CELF2: variants seen among roughly 807,000 people sequenced by gnomAD.
CELF2 encodes the protein CUG triplet repeat RNA-binding protein 2.
In CELF2, 8 loss-of-function variants were observed where a neutral mutation model predicts 62.6. The observed-to-expected ratio is 0.13, with a 90% CI of 0.07 to 0.23. CELF2 has a LOEUF of 0.23. Among genes scored for constraint, CELF2 ranks in the 10% least tolerant of loss-of-function variants. The probability of loss-of-function intolerance (pLI) is 1.00; values close to 1 mark genes in which losing one functional copy is unlikely to be tolerated. For missense variants in CELF2, 333 were observed against 671.0 expected (o/e 0.50, Z 5.56); for synonymous variants, 258 against 250.0 (o/e 1.03, Z -0.30).
intron 4 of CELF2, among the ~76,000 whole-genome samples, chr10:11,252,901 C>A (rs1260909693): frequency 6.6e-6 from 1 of 152,114 alleles, no homozygotes; most frequent in Non-Finnish European, 1.5e-5. Flanking sequence ...AGACAAATGG[C>A]GGGACAGGCA....
Position 11,319,103 on chromosome 10 carries a change from G to A in CELF2, c.1097-2086G>A, listed in dbSNP as rs376861553. 3.0e-5 allele frequency: 14 copies of A among 469,996 alleles called. No individual in the cohort carries two copies. The highest frequency in any genetic ancestry group is 1.4e-4 in the South Asian group (9 of 64,564). 29.1% of individuals were successfully genotyped at this position (469,996 alleles called of 1,614,324 possible). On this transcript the variant is annotated intron_variant, in intron 10 of 12. Transcript: ENST00000633077. The surrounding 1 kb of genome is among the most constrained non-coding windows in gnomAD (Gnocchi z 4.4). ...TGCCTTGAGATCCAAGCAGAGCGGC[G>A]AGTCGCCGCTCCTCTCCCGCCAGAA...
At chr10:10,860,136 C>T (rs937997571) in intron 1 of CELF2, among the ~76,000 whole-genome samples, 1 of 152,086 alleles carries the variant, frequency 6.6e-6, no homozygotes, top group East Asian at 1.9e-4. Context: ...TTAGTTTTCA[C>T]TTTTGTAAAT....
chr10:11,320,659 CGA>C (rs1186244174), intron 10 of CELF2, among the ~76,000 whole-genome samples: 3 of 152,126 alleles, frequency 2.0e-5, no homozygotes, highest in African/African-American at 7.2e-5. Context: ...CCACTGGTTC[CGA>C]GAGTACAGAA....
chr10:10,871,057 G>A (rs781766508), intron 1 of CELF2, among the ~76,000 whole-genome samples: 3 of 151,906 alleles, frequency 2.0e-5, no homozygotes, highest in Admixed American at 6.6e-5. Flanking sequence ...AGGCAACACA[G>A]TCAAGATGCA....
the CELF2 span, among the ~76,000 whole-genome samples, chr10:10,723,290 T>A: frequency 1.3e-5 from 2 of 152,340 alleles, no homozygotes; most frequent in Admixed American, 1.3e-4. Context: ...GTCAACTATG[T>A]CTTGACTTTT....
chr10:10,488,667 TTC>T, the CELF2 span, among the ~76,000 whole-genome samples: 750 of 152,256 alleles, frequency 4.9e-3, 8 homozygotes, highest in African/African-American at 0.017. Context: ...TACACTTTTA[TTC>T]TCTTTTCTAC....
intron 1 of CELF2, among the ~76,000 whole-genome samples, chr10:11,030,092 C>T (rs2059860622): frequency 6.6e-6 from 1 of 152,198 alleles, no homozygotes; most frequent in South Asian, 2.1e-4. Context: ...CAAACTAATT[C>T]CTTGCCAATC....
rs1181829832 is a variant in CELF2, at chr10:11,011,013, A to G, written c.53+5573A>G. On this transcript the variant is annotated intron_variant, in intron 1 of 12. Coordinates refer to the CELF2 transcript ENST00000416382. The surrounding 1 kb of genome is among the most constrained non-coding windows in gnomAD (Gnocchi z 4.6). ...AAAGGAAACATTTTTGAAAGTACCAATGTAGATTCTAACAACTCTCTCTTC... is the reference window on the plus strand; with the variant it reads ...AAAGGAAACATTTTTGAAAGTACCAGTGTAGATTCTAACAACTCTCTCTTC... 4 of 152,252 alleles carry G rather than the reference A, an allele frequency of 2.6e-5. No homozygotes were observed. The highest frequency in any genetic ancestry group is 1.9e-4 in the East Asian group (1 of 5,202). 9.4% of individuals were successfully genotyped at this position (152,252 alleles called of 1,614,324 possible).
intron 1 of CELF2, among the ~76,000 whole-genome samples, chr10:11,007,401 A>G (rs545303181): frequency 1.1e-4 from 17 of 152,250 alleles, no homozygotes; most frequent in Middle Eastern, 3.2e-3. Context: ...AAAAATTTTA[A>G]TACAGGATTA....
At chr10:10,817,065 C>T (rs541597801) in intron 1 of CELF2, among the ~76,000 whole-genome samples, 9 of 152,222 alleles carry the variant, frequency 5.9e-5, no homozygotes, top group East Asian at 1.9e-4. Flanking sequence ...ACCAACATGG[C>T]GGGCAGTGGA....
At chr10:10,896,659 A>G (rs1025616066) in intron 1 of CELF2, among the ~76,000 whole-genome samples, 4 of 152,176 alleles carry the variant, frequency 2.6e-5, no homozygotes, top group Non-Finnish European at 4.4e-5. Flanking sequence ...AAGGAATGCC[A>G]TGGGTTCTCA....
In CELF2 at chr10:11,214,169, A is replaced by G. The variant is rs1185632665; in HGVS notation, c.272-3256A>G. ...CATGGTAGCACACACCTGTACTCCCAGGTACTCAGGGAAGGGGCAGGAGAA... is the reference window on the plus strand; with the variant it reads ...CATGGTAGCACACACCTGTACTCCCGGGTACTCAGGGAAGGGGCAGGAGAA... On this transcript the variant is annotated intron_variant, in intron 2 of 12. Transcript: ENST00000633077. The surrounding 1 kb of genome is among the most constrained non-coding windows in gnomAD (Gnocchi z 4.2). Among the ~76,000 whole-genome samples the G allele has an allele frequency of 6.6e-6, 1 of 152,160 alleles. No individual in the cohort carries two copies. The highest frequency in any genetic ancestry group is 1.9e-4 in the East Asian group (1 of 5,198).
intron 1 of CELF2, among the ~76,000 whole-genome samples, chr10:10,899,676 C>T (rs2062800416): frequency 6.6e-6 from 1 of 152,186 alleles, no homozygotes; most frequent in Non-Finnish European, 1.5e-5. Flanking sequence ...TTAATTGGCT[C>T]ATGGTTCTGC....
the CELF2 span, among the ~76,000 whole-genome samples, chr10:10,747,918 G>A: frequency 6.6e-6 from 1 of 152,138 alleles, no homozygotes; most frequent in Admixed American, 6.5e-5. Flanking sequence ...CACCACTGTG[G>A]TGAAACAGCC....
At chr10:10,619,081 C>T in the CELF2 span, among the ~76,000 whole-genome samples, 1 of 152,238 alleles carries the variant, frequency 6.6e-6, no homozygotes, top group Non-Finnish European at 1.5e-5. Context: ...GGGGGAACTT[C>T]CATGTTGAAC....
At chr10:11,086,006 C>G (rs1369125749) in intron 1 of CELF2, among the ~76,000 whole-genome samples, 2 of 152,116 alleles carry the variant, frequency 1.3e-5, no homozygotes, top group South Asian at 2.1e-4. Context: ...AATTAATACA[C>G]GTGAAAGTGC....
At chr10:10,510,188 G>A in the CELF2 span, among the ~76,000 whole-genome samples, 1 of 152,154 alleles carries the variant, frequency 6.6e-6, no homozygotes, top group Non-Finnish European at 1.5e-5. Flanking sequence ...CCTCTGGATG[G>A]ACATTTTATC....
chr10:11,089,634 T>C (rs2047766882), intron 1 of CELF2, among the ~76,000 whole-genome samples: 1 of 152,184 alleles, frequency 6.6e-6, no homozygotes, highest in African/African-American at 2.4e-5. Context: ...AGATGGCAAT[T>C]GCTTAAGGAT....
chr10:11,328,866 CTTTTCTG>C lies in CELF2; in HGVS notation c.1439-52_1439-46del, dbSNP rs1211796738. On this transcript the variant is annotated intron_variant, in intron 12 of 12. Coordinates refer to ENST00000633077, the MANE Select transcript of CELF2 (RefSeq NM_001326342.2). The surrounding 1 kb of genome is among the most constrained non-coding windows in gnomAD (Gnocchi z 6.4). ...CAGCCTTCCCCAGAGCTCCAGCCCC[CTTTTCTG>C]TTTTCTGCTGGGCTTCCTCTCCAGG... is the stretch of plus-strand genomic sequence containing the variant. The C allele has an allele frequency of 1.3e-6, 2 of 1,563,840 alleles. No individual in the cohort carries two copies. Among genetic ancestry groups the C allele is most frequent in the East Asian group, 2.3e-5 (1 of 43,622 alleles).
Sources: allele counts gnomAD v4.1 joint callset (sites outside exome capture counted in the v4.1 genomes callset), GRCh38; gene constraint gnomAD v4.1.1; non-coding constraint Gnocchi (gnomAD v3.1); transcripts MANE v1.5; gene names NCBI Gene and HGNC (gene_info 2026-07-23, HGNC 2026-07-21).